The following RASSF4 variants were observed in gnomAD, a reference collection of about 807,000 sequenced individuals.
RASSF4 encodes the protein ras association domain-containing protein 4.
A neutral mutation model predicts 41.1 loss-of-function variants in RASSF4; 38 were observed. That is an observed-to-expected ratio of 0.92 (90% CI 0.71 to 1.21). RASSF4 has a LOEUF of 1.21. RASSF4 is among the 50% of genes most tolerant of loss of function. The pLI, the probability that RASSF4 is intolerant of heterozygous loss-of-function variation, is 0.00. For synonymous variants in RASSF4, 179 were observed against 163.4 expected, an observed-to-expected ratio of 1.10 and a Z score of -0.73; for missense variants, 414 against 419.4, an observed-to-expected ratio of 0.99 and a Z score of 0.11.
chr10:44,975,336 ATC>A (rs148871797), intron 3 of RASSF4, among the ~76,000 whole-genome samples: 1,569 of 151,544 alleles, frequency 0.01, 32 homozygotes, highest in African/African-American at 0.035. Flanking sequence ...CCCCACGAAC[ATC>A]TGTTTTCTGG....
At position 44,990,982 on chromosome 10, in the gene RASSF4, G is replaced by A; in HGVS notation, c.720G>A (p.Leu240=). 6.2e-7 allele frequency: 1 copy of A among 1,613,790 alleles called. No individual in the cohort carries two copies. The change falls in exon 9 of 11, where the codon CTG becomes CTA. Residue 240 remains leucine, a synonymous_variant. Transcript: ENST00000340258. ...AATTAAAAGACTGCGAGTACCCGCT[G>A]ATTTCCAGAATCCTGCATGGGCCAT... is the stretch of plus-strand genomic sequence containing the variant. The part of the protein sequence containing the change: ...RTKLKDCEYP[L]ISRILHGPCE...
chr10:44,966,069 C>T (rs977347963), intron 1 of RASSF4, among the ~76,000 whole-genome samples: 2 of 152,214 alleles, frequency 1.3e-5, no homozygotes, highest in Non-Finnish European at 2.9e-5. Flanking sequence ...CCCCTTTAAT[C>T]TGTTTTGCAT....
chr10:44,963,181 G>A (rs1840772069), intron 1 of RASSF4, among the ~76,000 whole-genome samples: 1 of 152,196 alleles, frequency 6.6e-6, no homozygotes, highest in African/African-American at 2.4e-5. Context: ...TCTGGGGCAG[G>A]GAGGAGTGAG....
At chr10:44,980,315 G>C (rs941411179) in intron 3 of RASSF4, among the ~76,000 whole-genome samples, 2 of 152,242 alleles carry the variant, frequency 1.3e-5, no homozygotes, top group African/African-American at 4.8e-5. Context: ...CCTTTGTCTA[G>C]TTCGCTGGCT....
chr10:44,984,809 G>T lies in RASSF4; in HGVS notation c.374-4G>T. 1 of 1,613,234 alleles carries T rather than the reference G, an allele frequency of 6.2e-7. No individual in the cohort carries two copies. Among genetic ancestry groups the T allele is most frequent in the Non-Finnish European group, 8.5e-7 (1 of 1,179,764 alleles). ...TGCCATTCTCTCACCCATTTCTCAT[G>T]CAGGGCCCCTGGAGGAGGCAGAGGA... On this transcript the variant is annotated splice_region_variant and splice_polypyrimidine_tract_variant and intron_variant, in intron 5 of 10. Coordinates refer to ENST00000340258, the MANE Select transcript of RASSF4 (RefSeq NM_032023.4).
In RASSF4 at chr10:44,983,927, G is replaced by A. The variant is rs528208944; in HGVS notation, c.282-95G>A. On this transcript the variant is annotated intron_variant, in intron 4 of 10. Transcript: ENST00000340258. ...CCTCAGCCTGCCTTGCTTCCCGCCT[G>A]TGTCCTACCCCAGGGGCTGCTGGTC... The A allele has an allele frequency of 8.4e-5, 130 of 1,546,994 alleles. No individual in the cohort carries two copies. The South Asian group carries it at 1.2e-3, about 15-fold the overall frequency.
Position 44,991,817 on chromosome 10 carries a change from G to A in RASSF4, c.808-88G>A, listed in dbSNP as rs1588851128. On this transcript the variant is annotated intron_variant, in intron 9 of 10. Transcript: ENST00000340258. ...TTCTGTGGATACAAGATGTTGGCTG[G>A]ATGGGCCACTATGGAAGCCTTGAGG... 7 of 834,826 alleles carry A rather than the reference G, an allele frequency of 8.4e-6. No individual in the cohort carries two copies. The East Asian group carries it at 1.7e-4, about 21-fold the overall frequency. 51.7% of individuals were successfully genotyped at this position (834,826 alleles called of 1,614,324 possible).
chr10:44,977,901 T>C (rs945228336), intron 3 of RASSF4: 26 of 1,612,638 alleles, frequency 1.6e-5, no homozygotes, highest in East Asian at 2.2e-5. Flanking sequence ...AGTCGAGATA[T>C]AGACCTCACG....
At chr10:44,961,510 G>C (rs1840709767) in intron 1 of RASSF4, among the ~76,000 whole-genome samples, 1 of 152,234 alleles carries the variant, frequency 6.6e-6, no homozygotes, top group African/African-American at 2.4e-5. Context: ...TCAGGTGTCA[G>C]CTCAGACTCT....
intron 3 of RASSF4, chr10:44,976,397 C>T (rs1374673706): frequency 6.6e-6 from 1 of 152,402 alleles, no homozygotes; most frequent in African/African-American, 2.4e-5. Flanking sequence ...ATAACCTAGA[C>T]TGACAGCTCA....
chr10:44,980,203 T>G (rs1056680999), intron 3 of RASSF4, among the ~76,000 whole-genome samples: 1 of 152,188 alleles, frequency 6.6e-6, no homozygotes, highest in African/African-American at 2.4e-5. Flanking sequence ...GAACTCCATG[T>G]GCACAAAGGC....
chr10:44,972,756 T>C (rs1343017152), intron 3 of RASSF4, among the ~76,000 whole-genome samples: 1 of 152,166 alleles, frequency 6.6e-6, no homozygotes. Flanking sequence ...GGTGAGGCTG[T>C]TTTTTGGGGG....
chr10:44,982,824 T>A (rs1429213292), intron 4 of RASSF4, 161 bp downstream of exon 4: 1 of 800,478 alleles, frequency 1.2e-6, no homozygotes, highest in Non-Finnish European at 2.1e-6. Flanking sequence ...GTCCACAGCC[T>A]CGCCCAGGGT....
intron 6 of RASSF4, among the ~76,000 whole-genome samples, chr10:44,986,847 C>T (rs1025252556): frequency 6.6e-6 from 1 of 152,226 alleles, no homozygotes; most frequent in African/African-American, 2.4e-5. Context: ...CAAAACTGTT[C>T]TGATTCCCAG....
rs896086172 is a variant in RASSF4, at chr10:44,993,551, A to G, written c.*222A>G. On this transcript the variant is annotated 3_prime_UTR_variant, in exon 11 of 11. Coordinates refer to ENST00000340258, the MANE Select transcript of RASSF4 (RefSeq NM_032023.4). ...GCCGACCCAGGCCTGAGGGGCCAGGAACTTGCTGGGTCAGATCTGTGTGGC... is the reference window on the plus strand; with the variant it reads ...GCCGACCCAGGCCTGAGGGGCCAGGGACTTGCTGGGTCAGATCTGTGTGGC... 13 of 574,206 alleles carry G rather than the reference A, an allele frequency of 2.3e-5. No individual in the cohort carries two copies. The highest frequency in any genetic ancestry group is 1.9e-4 in the African/African-American group (10 of 53,460). 35.6% of individuals were successfully genotyped at this position (574,206 alleles called of 1,614,324 possible). A position where few individuals can be genotyped will look rare whatever the true frequency, so the allele number is the denominator to read the frequency against.
chr10:44,960,460 A>T (rs2132755831), intron 1 of RASSF4, among the ~76,000 whole-genome samples: 1 of 152,272 alleles, frequency 6.6e-6, no homozygotes, highest in Non-Finnish European at 1.5e-5. Flanking sequence ...CAGGATTTGA[A>T]CCCAGGGCTT....
chr10:44,993,383 G>A lies in RASSF4; in HGVS notation c.*54G>A. The A allele has an allele frequency of 5.5e-6, 8 of 1,453,656 alleles. No individual in the cohort carries two copies. In the South Asian group the frequency reaches 8.4e-5, roughly 15 times the overall value. The allele number at this position is 1,453,656 out of a possible 1,614,324, so 90.0% of individuals were successfully genotyped here. Reference sequence around the variant, plus strand: ...CCCAGCAGTGGCAGGTGTACACTGAGCCCTGGTTGCTGGCCCCGGCCGGTC... The same window carrying A: ...CCCAGCAGTGGCAGGTGTACACTGAACCCTGGTTGCTGGCCCCGGCCGGTC... On this transcript the variant is annotated 3_prime_UTR_variant, in exon 11 of 11. Coordinates refer to ENST00000340258, the MANE Select transcript of RASSF4 (RefSeq NM_032023.4).
rs200147715 is a variant in RASSF4 at position 44,993,282 on chromosome 10, C to A, written c.919C>A (p.Arg307Ser). 1.7e-5 allele frequency: 28 copies of A among 1,609,360 alleles called. No individual in the cohort carries two copies. Among genetic ancestry groups the A allele is most frequent in the Non-Finnish European group, 2.3e-5 (27 of 1,179,642 alleles). Residue 307 changes from arginine (R) to serine (S), a missense_variant, in exon 11 of 11, where the codon CGT becomes AGT. Transcript: ENST00000340258. ...IKLTMKFQALRLTMLQRLEQL... is the reference protein window; with the variant it reads ...IKLTMKFQALSLTMLQRLEQL... ...GTCTCCCTCCAGGTTCCAAGCCCTG[C>A]GTCTGACGATGCTGCAGCGCCTGGA...
chr10:44,973,345 G>A (rs1423750128), intron 3 of RASSF4, among the ~76,000 whole-genome samples: 1 of 152,200 alleles, frequency 6.6e-6, no homozygotes, highest in African/African-American at 2.4e-5. Context: ...AGTGTGCTGG[G>A]TAGAGGGAGG....
Sources: gnomAD v4.1 joint callset for allele counts (sites outside exome capture counted in the v4.1 genomes callset) on GRCh38, gnomAD v4.1.1 for gene constraint, MANE v1.5 for transcripts, NCBI Gene and HGNC (gene_info 2026-07-23, HGNC 2026-07-21) for gene names.